KIT: variants seen among roughly 807,000 people sequenced by gnomAD.
The protein encoded by KIT is mast/stem cell growth factor receptor Kit.
Under a neutral mutation model 105.7 loss-of-function variants are expected in KIT, and 16 were observed. That is an observed-to-expected ratio of 0.15 (90% CI 0.10 to 0.23). KIT has a LOEUF of 0.23. KIT is among the 10% of genes least tolerant of loss of function. The probability of loss-of-function intolerance (pLI) is 1.00; values close to 1 mark genes in which losing one functional copy is unlikely to be tolerated. For missense variants in KIT, 858 were observed against 1,213.8 expected (o/e 0.71, Z 4.36); for synonymous variants, 438 against 441.1 (o/e 0.99, Z 0.09).
At chr4:54,710,612 C>T (rs113511088) in intron 7 of KIT, among the ~76,000 whole-genome samples, 4 of 122,062 alleles carry the variant, frequency 3.3e-5, no homozygotes, top group Non-Finnish European at 7.0e-5. Context: ...AGTGACATCT[C>T]GATTCACTGC....
intron 14 of KIT, among the ~76,000 whole-genome samples, chr4:54,730,273 G>C (rs1268511788): frequency 6.6e-6 from 1 of 152,030 alleles, no homozygotes; most frequent in Non-Finnish European, 1.5e-5. Flanking sequence ...ACTGTATATT[G>C]CTGCAGTTGT....
intron 1 of KIT, among the ~76,000 whole-genome samples, chr4:54,688,351 G>A (rs939569486): frequency 1.1e-4 from 17 of 152,100 alleles, no homozygotes; most frequent in East Asian, 1.9e-4. Flanking sequence ...TATGTGAACC[G>A]AAGAGTAGTT....
At chr4:54,722,668 G>A (rs995280733) in intron 7 of KIT, among the ~76,000 whole-genome samples, 4 of 151,990 alleles carry the variant, frequency 2.6e-5, no homozygotes, top group Non-Finnish European at 4.4e-5. Flanking sequence ...CAGAACCACC[G>A]AGTATAAGTG....
chr4:54,684,193 G>A (rs766564590), intron 1 of KIT, among the ~76,000 whole-genome samples: 1 of 152,024 alleles, frequency 6.6e-6, no homozygotes, highest in Non-Finnish European at 1.5e-5. Flanking sequence ...GGGTGGGGTG[G>A]GGTGGTGCAG....
chr4:54,671,354 G>A (rs1718097342), intron 1 of KIT, among the ~76,000 whole-genome samples: 1 of 152,206 alleles, frequency 6.6e-6, no homozygotes, highest in African/African-American at 2.4e-5. Context: ...GGGGATAAAA[G>A]TGGTACCCTC....
intron 1 of KIT, among the ~76,000 whole-genome samples, chr4:54,660,331 C>A (rs1317259158): frequency 6.6e-6 from 1 of 152,244 alleles, no homozygotes; most frequent in South Asian, 2.1e-4. Flanking sequence ...CAGGATGAAC[C>A]TGCTAGGAAT....
Position 54,727,842 on chromosome 4 carries a change from A to T in KIT, c.1794A>T (p.Gly598=), listed in dbSNP as rs72549292. 1.6e-3 allele frequency: 2,526 copies of T among 1,612,960 alleles called. 34 individuals carry two copies. The African/African-American group carries it at 0.031, about 20-fold the overall frequency. The part of the protein sequence containing the change: ...RLSFGKTLGA[G]AFGKVVEATA... The stretch of plus-strand genomic sequence containing the variant: ...CTACAGGGAAAACCCTGGGTGCTGG[A>T]GCTTTCGGGAAGGTTGTTGAGGCAA... Residue 598 remains glycine (G), a synonymous_variant, in exon 12 of 21, where the codon GGA becomes GGT. Transcript: ENST00000288135.
At chr4:54,661,086 A>G (rs1439169739) in intron 1 of KIT, among the ~76,000 whole-genome samples, 1 of 152,136 alleles carries the variant, frequency 6.6e-6, no homozygotes, top group African/African-American at 2.4e-5. Flanking sequence ...TCCCTCAGAA[A>G]TGAAGGTAAG....
intron 7 of KIT, among the ~76,000 whole-genome samples, chr4:54,713,886 A>G (rs1221922146): frequency 6.6e-6 from 1 of 152,196 alleles, no homozygotes; most frequent in Non-Finnish European, 1.5e-5. Flanking sequence ...TAATCAAGCC[A>G]TGATTTACAT....
At position 54,725,950 on chromosome 4, in the gene KIT, T is replaced by C. The variant is rs1577992342; in HGVS notation, c.1440T>C (p.Ser480=). Residue 480 remains serine, a synonymous_variant, in exon 9 of 21, where the codon TCT becomes TCC. Transcript: ENST00000288135. ...GKLVVQSSID[S]SAFKHNGTVE... The stretch of plus-strand genomic sequence containing the variant: ...TAGTGGTTCAGAGTTCTATAGATTC[T>C]AGTGCATTCAAGCACAATGGCACGG... 1 of 1,614,160 alleles carries C rather than the reference T, an allele frequency of 6.2e-7. No individual in the cohort carries two copies. The highest frequency in any genetic ancestry group is 1.1e-5 in the South Asian group (1 of 91,086).
At chr4:54,700,012 G>C (rs1720354472) in intron 4 of KIT, among the ~76,000 whole-genome samples, 1 of 152,156 alleles carries the variant, frequency 6.6e-6, no homozygotes, top group African/African-American at 2.4e-5. Flanking sequence ...GAGAACTTCA[G>C]ATTCATGTTA....
At chr4:54,674,990 G>C (rs1270331632) in intron 1 of KIT, among the ~76,000 whole-genome samples, 3 of 151,706 alleles carry the variant, frequency 2.0e-5, no homozygotes, top group African/African-American at 7.3e-5. Flanking sequence ...TCTTAATTAG[G>C]TGTATTTTCC....
intron 6 of KIT, 46 bp downstream of exon 6, chr4:54,707,333 T>C (rs754053672): frequency 7.8e-7 from 1 of 1,282,678 alleles, no homozygotes; most frequent in South Asian, 1.2e-5. Flanking sequence ...TACCCCCTTT[T>C]CCAGTGGGCT....
intron 17 of KIT, among the ~76,000 whole-genome samples, chr4:54,735,011 C>T (rs1337836964): frequency 6.6e-6 from 1 of 151,916 alleles, no homozygotes; most frequent in African/African-American, 2.4e-5. Flanking sequence ...TTCTAAAAAC[C>T]ACTGTAATTT....
chr4:54,722,853 TTTTATATATATGTATATATA>T (rs1721970927), intron 7 of KIT, among the ~76,000 whole-genome samples: 4 of 126,590 alleles, frequency 3.2e-5, no homozygotes, highest in Admixed American at 1.5e-4. Context: ...TTATATATAT[TTTTATATATATGTATATATA>T]TTTATATATA....
intron 7 of KIT, among the ~76,000 whole-genome samples, chr4:54,717,974 C>G (rs952240119): frequency 3.9e-5 from 6 of 152,152 alleles, no homozygotes; most frequent in African/African-American, 1.4e-4. Flanking sequence ...AAGTCTCTCT[C>G]CAAGTAGTTT....
At chr4:54,737,872 ATAC>A (rs1388601327) in intron 20 of KIT, among the ~76,000 whole-genome samples, 2 of 152,212 alleles carry the variant, frequency 1.3e-5, no homozygotes, top group Admixed American at 6.5e-5. Flanking sequence ...AGAATTAGTG[ATAC>A]TTTGACTCAG....
intron 1 of KIT, among the ~76,000 whole-genome samples, chr4:54,662,927 A>C (rs1486127060): frequency 6.6e-6 from 1 of 152,006 alleles, no homozygotes; most frequent in Admixed American, 6.5e-5. Context: ...TTAGCTTTTG[A>C]TAAGAGTTAG....
At chr4:54,709,560 C>T (rs1238977381) in intron 7 of KIT, 21 bp downstream of exon 7, 2 of 1,438,852 alleles carry the variant, frequency 1.4e-6, no homozygotes, top group Non-Finnish European at 2.0e-6. Context: ...TGAAGGGCTC[C>T]TTTTAATTTT....
Sources: gnomAD v4.1 joint callset for allele counts (sites outside exome capture counted in the v4.1 genomes callset) on GRCh38, gnomAD v4.1.1 for gene constraint, MANE v1.5 for transcripts, NCBI Gene and HGNC (gene_info 2026-07-23, HGNC 2026-07-21) for gene names.